Variants in MAPKAP1 observed in about 807,000 individuals in gnomAD.
MAPKAP1 encodes the protein MAPK associated protein 1.
MAPKAP1 carries 20 observed loss-of-function variants against 65.7 expected under a neutral mutation model. That is an observed-to-expected ratio of 0.30 (90% CI 0.21 to 0.44). The LOEUF (loss-of-function observed/expected upper bound fraction) is 0.44, where lower values mean the gene tolerates loss of function less well. Among genes scored for constraint, MAPKAP1 ranks in the 20% least tolerant of loss-of-function variants. MAPKAP1 has a pLI of 1.00. For synonymous variants in MAPKAP1, 222 were observed against 244.3 expected, an observed-to-expected ratio of 0.91 and a Z score of 0.85; for missense variants, 423 against 648.0, an observed-to-expected ratio of 0.65 and a Z score of 3.77.
At chr9:125,458,827 CGGCTGGCCGGGTGGGG>C (rs1651440805) in intron 10 of MAPKAP1, among the ~76,000 whole-genome samples, 1 of 75,156 alleles carries the variant, frequency 1.3e-5, no homozygotes, top group Non-Finnish European at 2.8e-5. Flanking sequence ...CCGGACGGGG[CGGCTGGCCGGGTGGGG>C]GGCTGACCCC....
At chr9:125,618,080 C>T (rs1285297720) in intron 4 of MAPKAP1, among the ~76,000 whole-genome samples, 1 of 152,018 alleles carries the variant, frequency 6.6e-6, no homozygotes, top group East Asian at 1.9e-4. Context: ...CCCAATTACT[C>T]CCAAGCAACC....
rs1184401787 is a variant in MAPKAP1, at chr9:125,622,144, G to A, written c.498+35507C>T. Among the ~76,000 whole-genome samples, 5 of 152,334 alleles carry A rather than the reference G, an allele frequency of 3.3e-5. No individual in the cohort carries two copies. In the South Asian group the frequency reaches 6.2e-4, roughly 19 times the overall value. On this transcript the variant is annotated intron_variant, in intron 4 of 11. Transcript: ENST00000265960. ...TATTGGAGGCTGGGAGAAGTATGGG[G>A]AGATGGGGAGAGGCTGGTTCATGAG...
intron 8 of MAPKAP1, among the ~76,000 whole-genome samples, chr9:125,490,214 T>G (rs1854646872): frequency 6.6e-6 from 1 of 152,196 alleles, no homozygotes. Flanking sequence ...ACTTACTTTT[T>G]TCATGTCCAT....
chr9:125,609,457 T>A (rs575038799), intron 4 of MAPKAP1, among the ~76,000 whole-genome samples: 4 of 152,344 alleles, frequency 2.6e-5, no homozygotes, highest in African/African-American at 9.6e-5. Context: ...TGGCTTTGTT[T>A]CACCTGCCAA....
intron 9 of MAPKAP1, among the ~76,000 whole-genome samples, chr9:125,469,644 T>C (rs1207781999): frequency 6.6e-6 from 1 of 152,130 alleles, no homozygotes; most frequent in African/African-American, 2.4e-5. Context: ...GAACCATTGG[T>C]ATTTTTTACT....
Position 125,632,225 on chromosome 9 carries a change from G to GAAAAA in MAPKAP1, c.498+25421_498+25425dup, listed in dbSNP as rs57409863. Among the ~76,000 whole-genome samples the GAAAAA allele has an allele frequency of 6.6e-4, 94 of 143,372 alleles. 11 individuals carry two copies. The Middle Eastern group carries it at 0.011, about 16-fold the overall frequency. 94.1% of individuals were successfully genotyped at this position (143,372 alleles called of 152,430 possible). On this transcript the variant is annotated intron_variant, in intron 4 of 11. Transcript: ENST00000265960. ...TGACAGAGCAAGACTCCGTCTCAAA[G>GAAAAA]AAAAAAAAAAAAGAAGAAACTCACC...
chr9:125,652,166 G>GT (rs755566227), intron 4 of MAPKAP1: 1 of 1,319,420 alleles, frequency 7.6e-7, no homozygotes, highest in South Asian at 1.2e-5. Context: ...TTTCTGCAAA[G>GT]TTTTAAGTGA....
chr9:125,693,357 T>C (rs1287817852), intron 1 of MAPKAP1, among the ~76,000 whole-genome samples: 1 of 149,970 alleles, frequency 6.7e-6, no homozygotes, highest in Non-Finnish European at 1.5e-5. Context: ...GAGGTTGCAG[T>C]GAGCCAAGAT....
chr9:125,671,960 A>C (rs1447491009), intron 2 of MAPKAP1, among the ~76,000 whole-genome samples: 1 of 152,138 alleles, frequency 6.6e-6, no homozygotes, highest in Non-Finnish European at 1.5e-5. Flanking sequence ...TGTCAACCTG[A>C]AATCTGTCTC....
chr9:125,590,667 G>T (rs1240800037), intron 4 of MAPKAP1, among the ~76,000 whole-genome samples: 2 of 151,904 alleles, frequency 1.3e-5, no homozygotes, highest in Non-Finnish European at 2.9e-5. Context: ...AAAAAAGGGG[G>T]GCGGGGCATA....
intron 1 of MAPKAP1, among the ~76,000 whole-genome samples, chr9:125,683,611 G>A (rs940470027): frequency 6.6e-6 from 1 of 152,146 alleles, no homozygotes; most frequent in Non-Finnish European, 1.5e-5. Flanking sequence ...AGAGAGATTG[G>A]AAGATCTTTC....
In MAPKAP1 at chr9:125,449,056, CTT is replaced by C. The variant is rs570414723; in HGVS notation, c.1346-4460_1346-4459del. Among the ~76,000 whole-genome samples, 7 of 149,804 alleles carry C rather than the reference CTT, an allele frequency of 4.7e-5. No individual in the cohort carries two copies. In the South Asian group the frequency reaches 1.5e-3, roughly 32 times the overall value. ...AAGAAAAAGTTATGTATTAGTATGACTTTAAAAAAATGTAAAGTTTAATATTC... is the reference window on the plus strand; with the variant it reads ...AAGAAAAAGTTATGTATTAGTATGACTAAAAAAATGTAAAGTTTAATATTC... On this transcript the variant is annotated intron_variant, in intron 10 of 11. Coordinates refer to ENST00000265960, the MANE Select transcript of MAPKAP1 (RefSeq NM_001006617.3).
chr9:125,702,491 G>A (rs755995866), intron 1 of MAPKAP1, among the ~76,000 whole-genome samples: 11 of 151,824 alleles, frequency 7.2e-5, no homozygotes, highest in South Asian at 2.1e-4. Context: ...TCAAGATCGC[G>A]CCATTGCACT....
At chr9:125,561,409 T>C (rs1830888433) in intron 5 of MAPKAP1, among the ~76,000 whole-genome samples, 3 of 152,216 alleles carry the variant, frequency 2.0e-5, no homozygotes, top group South Asian at 2.1e-4. Flanking sequence ...AACTGTAAAT[T>C]TGCTAAATGG....
chr9:125,689,571 A>C (rs961803499), intron 1 of MAPKAP1, among the ~76,000 whole-genome samples: 1 of 139,278 alleles, frequency 7.2e-6, no homozygotes, highest in Non-Finnish European at 1.5e-5. Flanking sequence ...ACATGATGAA[A>C]CCTCATCTCT....
intron 10 of MAPKAP1, among the ~76,000 whole-genome samples, chr9:125,461,580 G>A (rs960670384): frequency 3.3e-5 from 5 of 152,106 alleles, no homozygotes; most frequent in South Asian, 2.1e-4. Context: ...CTTTTAATAG[G>A]GCTAGGAAAC....
chr9:125,543,665 G>A lies in MAPKAP1; in HGVS notation c.849-497C>T, dbSNP rs185984473. 1.2e-4 allele frequency among the ~76,000 whole-genome samples: 18 copies of A among 151,112 alleles called. 1 individual carries two copies. Among genetic ancestry groups the A allele is most frequent in the South Asian group, 6.3e-4 (3 of 4,778 alleles). ...AAATATACTTCAAATGGTGGGTGGC[G>A]GGGGGGCAGTGATAAACGATTCTAG... is the stretch of plus-strand genomic sequence containing the variant. On this transcript the variant is annotated intron_variant, in intron 6 of 11. Coordinates refer to ENST00000265960, the MANE Select transcript of MAPKAP1 (RefSeq NM_001006617.3).
At chr9:125,559,846 G>T (rs375290564) in intron 5 of MAPKAP1, 37 bp from the exon 6 acceptor site, 7 of 1,583,056 alleles carry the variant, frequency 4.4e-6, no homozygotes, top group Non-Finnish European at 6.0e-6. Flanking sequence ...GAATACCAAG[G>T]TAGGGAAGGG....
intron 7 of MAPKAP1, chr9:125,521,660 G>A (rs1829620775): frequency 1.9e-6 from 3 of 1,551,594 alleles, no homozygotes; most frequent in South Asian, 2.5e-5. Context: ...TGATGGCAAA[G>A]GTTTCTGACA....
Sources: allele counts gnomAD v4.1 joint callset (sites outside exome capture counted in the v4.1 genomes callset), GRCh38; gene constraint gnomAD v4.1.1; transcripts MANE v1.5; gene names NCBI Gene and HGNC (gene_info 2026-07-23, HGNC 2026-07-21).